DMTN: variants seen among roughly 807,000 people sequenced by gnomAD.
DMTN encodes the protein dematin.
Under a neutral mutation model 59.4 loss-of-function variants are expected in DMTN, and 27 were observed. The observed-to-expected ratio is 0.45, with a 90% CI of 0.33 to 0.63. The LOEUF (loss-of-function observed/expected upper bound fraction) is 0.63. Among genes scored for constraint, DMTN ranks in the 20% least tolerant of loss-of-function variants. The pLI, the probability that DMTN is intolerant of heterozygous loss-of-function variation, is 0.02. For synonymous variants in DMTN, 221 were observed against 203.7 expected (o/e 1.08, Z -0.72); for missense variants, 451 against 528.9 (o/e 0.85, Z 1.45).
intron 8 of DMTN, among the ~76,000 whole-genome samples, chr8:22,071,516 T>G (rs184617221): frequency 3.9e-5 from 6 of 152,224 alleles, no homozygotes; most frequent in Non-Finnish European, 5.9e-5. Context: ...TGTTTCAGCC[T>G]CGCAAGTAGC....
intron 10 of DMTN, among the ~76,000 whole-genome samples, chr8:22,075,413 A>G (rs1019412372): frequency 8.1e-5 from 12 of 148,690 alleles, no homozygotes; most frequent in Non-Finnish European, 1.0e-4. Flanking sequence ...CAGTGGCACC[A>G]TTTTGGCTGA....
upstream of DMTN, among the ~76,000 whole-genome samples, chr8:22,054,618 A>G (rs1801827334): frequency 6.6e-6 from 1 of 151,852 alleles, no homozygotes; most frequent in South Asian, 2.1e-4. Context: ...AGTGCTGCAT[A>G]CTCTTCAAGA....
chr8:22,065,314 T>G (rs1809678203), intron 1 of DMTN, among the ~76,000 whole-genome samples: 1 of 152,208 alleles, frequency 6.6e-6, no homozygotes, highest in African/African-American at 2.4e-5. Flanking sequence ...TATTGTTGTT[T>G]TCACCCTCCT....
At chr8:22,079,330 G>C (rs1822570706) in intron 10 of DMTN, among the ~76,000 whole-genome samples, 1 of 125,214 alleles carries the variant, frequency 8.0e-6, no homozygotes, top group African/African-American at 2.9e-5. Flanking sequence ...CATGCCCCTA[G>C]TCCCAGCTAC....
chr8:22,054,613 T>C (rs553742915), upstream of DMTN, among the ~76,000 whole-genome samples: 141 of 152,298 alleles, frequency 9.3e-4, no homozygotes, highest in South Asian at 2.1e-3. Flanking sequence ...TCCCCAGTGC[T>C]GCATACTCTT....
chr8:22,061,474 T>G (rs983927066), intron 1 of DMTN, among the ~76,000 whole-genome samples: 1 of 152,174 alleles, frequency 6.6e-6, no homozygotes, highest in East Asian at 1.9e-4. Context: ...TGGGGATATA[T>G]GACCACATAC....
chr8:22,079,265 A>C (rs1455178057), intron 10 of DMTN, among the ~76,000 whole-genome samples: 1,407 of 19,402 alleles, frequency 0.073, 39 homozygotes, highest in African/African-American at 0.16. Flanking sequence ...AAAATAAATA[A>C]ATAAATAAAT....
At position 22,072,408 on chromosome 8, in the gene DMTN, G is replaced by C; in HGVS notation, c.687G>C (p.Glu229Asp). 1 of 1,594,536 alleles carries C rather than the reference G, an allele frequency of 6.3e-7. No individual in the cohort carries two copies. Among genetic ancestry groups the C allele is most frequent in the South Asian group, 1.1e-5 (1 of 88,322 alleles). ...EEEEDDDSGE[E>D]MKALRERQRE... is the part of the protein sequence containing the mutation. ...AGGAAGATGACGACTCTGGAGAGGA[G>C]ATGAAGGCTCTCAGGGAGCGTCAGA... Residue 229 changes from glutamate to aspartate, a missense_variant, in exon 9 of 16, where the codon GAG (glutamate) becomes GAC (aspartate). Glu to Asp is a conservative substitution (Grantham distance 45, BLOSUM62 2). Transcript: ENST00000358242.
At chr8:22,050,152 A>G (rs1009902922), upstream of DMTN, among the ~76,000 whole-genome samples, 1 of 152,152 alleles carries the variant, frequency 6.6e-6, no homozygotes, top group Non-Finnish European at 1.5e-5. Flanking sequence ...TGTTGGGGGT[A>G]GTTTTCTGGG....
chr8:22,079,769 AT>A (rs1345064126), intron 10 of DMTN, among the ~76,000 whole-genome samples: 106 of 148,952 alleles, frequency 7.1e-4, no homozygotes, highest in African/African-American at 2.0e-3. Flanking sequence ...CAAAAAAAAA[AT>A]TTTTTTTTTT....
intron 10 of DMTN, among the ~76,000 whole-genome samples, chr8:22,076,660 CAT>C (rs1367498383): frequency 6.6e-6 from 1 of 151,330 alleles, no homozygotes; most frequent in Non-Finnish European, 1.5e-5. Context: ...CATATATACA[CAT>C]ATATACAGTG....
rs1811772225 is a variant in DMTN, at chr8:22,067,526, G to T, written c.94-1G>T. On this transcript the variant is annotated splice_acceptor_variant, in intron 3 of 15. Transcript: ENST00000358242. LOFTEE classifies it high-confidence loss of function. ...AGTTTCACGCGCACCTTTCCCTTCA[G>T]GCCAAGATGGACAATCAGGTGCTGG... The T allele has an allele frequency of 6.2e-7, 1 of 1,614,052 alleles. No individual in the cohort carries two copies. Among genetic ancestry groups the T allele is most frequent in the Admixed American group, 1.7e-5 (1 of 60,008 alleles).
chr8:22,071,361 G>T (rs945554806), intron 8 of DMTN, among the ~76,000 whole-genome samples: 5 of 152,028 alleles, frequency 3.3e-5, no homozygotes. Context: ...CTCCCAAACT[G>T]CTGGGATTAC....
chr8:22,081,092 T>TGGGGGGGGGGGGGGGGGG, intron 14 of DMTN, 21 bp from the exon 15 acceptor site: 212 of 1,547,058 alleles, frequency 1.4e-4, no homozygotes, highest in Non-Finnish European at 1.7e-4. Context: ...AGCCTAAGAT[T>TGGGGGGGGGGGGGGGGGG]GCCCCTCCCC....
intron 10 of DMTN, among the ~76,000 whole-genome samples, chr8:22,075,731 C>T (rs1819301420): frequency 6.6e-6 from 1 of 152,096 alleles, no homozygotes; most frequent in Non-Finnish European, 1.5e-5. Context: ...GTTGGCCAGG[C>T]TGCTCTCAAA....
chr8:22,056,031 C>T (rs1171538576), upstream of DMTN, among the ~76,000 whole-genome samples: 1 of 152,184 alleles, frequency 6.6e-6, no homozygotes, highest in Non-Finnish European at 1.5e-5. Flanking sequence ...TGTTGTCCTT[C>T]CCCATCCTGC....
chr8:22,052,678 C>A (rs537442059), upstream of DMTN, among the ~76,000 whole-genome samples: 2 of 151,980 alleles, frequency 1.3e-5, no homozygotes, highest in Non-Finnish European at 2.9e-5. Context: ...AACAAAGCAA[C>A]CTTTTTTTTT....
chr8:22,063,920 G>T (rs138065576), intron 1 of DMTN, among the ~76,000 whole-genome samples: 4 of 152,188 alleles, frequency 2.6e-5, no homozygotes, highest in African/African-American at 9.7e-5. Context: ...TCATCTTTCT[G>T]TTCTCCATAA....
At chr8:22,077,651 G>A (rs1041989869) in intron 10 of DMTN, among the ~76,000 whole-genome samples, 6 of 152,194 alleles carry the variant, frequency 3.9e-5, no homozygotes, top group Admixed American at 6.6e-5. Context: ...TTTTGGCCTC[G>A]TGAAGTTGAA....
Sources: allele counts gnomAD v4.1 joint callset (sites outside exome capture counted in the v4.1 genomes callset), GRCh38; gene constraint gnomAD v4.1.1; transcripts MANE v1.5; gene names NCBI Gene and HGNC (gene_info 2026-07-23, HGNC 2026-07-21).